GALNT18: variants seen among roughly 807,000 people sequenced by gnomAD.
The protein encoded by GALNT18 is GalNAc-transferase 18.
A neutral mutation model predicts 69.5 loss-of-function variants in GALNT18; 44 were observed. The ratio of observed to expected loss-of-function variants is 0.63; its 90% CI spans 0.50 to 0.81. GALNT18 has a LOEUF of 0.81. Ranked by LOEUF, GALNT18 falls within the 40% of genes least tolerant of loss-of-function variation. GALNT18 has a pLI of 0.00. For missense variants in GALNT18, 715 were observed against 810.0 expected (o/e 0.88, Z 1.42); for synonymous variants, 364 against 318.2 (o/e 1.14, Z -1.53).
chr11:11,419,761 G>A (rs1190686947), intron 3 of GALNT18, among the ~76,000 whole-genome samples: 1 of 152,068 alleles, frequency 6.6e-6, no homozygotes, highest in East Asian at 1.9e-4. Context: ...CCCTGCTGCA[G>A]GCTGCCTTTA....
Position 11,358,958 on chromosome 11 carries a change from A to G in GALNT18, c.1092+13557T>C, listed in dbSNP as rs554816028. Among the ~76,000 whole-genome samples, 6 of 139,926 alleles carry G rather than the reference A, an allele frequency of 4.3e-5. 1 individual carries two copies. The South Asian group carries it at 8.7e-4, about 20-fold the overall frequency. The allele number at this position is 139,926 out of a possible 152,430, so 91.8% of individuals were successfully genotyped here. ...AGAAGCAACTAGAAACTACAATCCA[A>G]TTTAAGGTGTTTAATTTTCTCTGTG... On this transcript the variant is annotated intron_variant, in intron 6 of 10. Coordinates refer to ENST00000227756, the MANE Select transcript of GALNT18 (RefSeq NM_198516.3).
chr11:11,445,791 G>T (rs1855635632), intron 2 of GALNT18, among the ~76,000 whole-genome samples: 1 of 152,190 alleles, frequency 6.6e-6, no homozygotes, highest in Non-Finnish European at 1.5e-5. Context: ...GAAGTTGCTT[G>T]GTGCCACGGG....
intron 1 of GALNT18, among the ~76,000 whole-genome samples, chr11:11,502,593 T>C (rs1590056947): frequency 6.6e-6 from 1 of 152,172 alleles, no homozygotes; most frequent in East Asian, 1.9e-4. Context: ...AATTCATCCA[T>C]TGTGGGTCTG....
rs143846077 is a variant in GALNT18, at chr11:11,273,716, C to T, written c.1678-2426G>A. Among the ~76,000 whole-genome samples, 860 of 152,174 alleles carry T rather than the reference C, an allele frequency of 5.7e-3. 8 individuals are homozygous for T. The highest frequency in any genetic ancestry group is 0.019 in the African/African-American group (804 of 41,506). On this transcript the variant is annotated intron_variant, in intron 10 of 10. Coordinates refer to ENST00000227756, the MANE Select transcript of GALNT18 (RefSeq NM_198516.3). The stretch of plus-strand genomic sequence containing the variant: ...GGTATATACCCAAAAGAAAGGAAAC[C>T]AGCATATTGAAGAGATATCTGCACT...
At chr11:11,426,629 C>G (rs1418743979) in intron 3 of GALNT18, among the ~76,000 whole-genome samples, 3 of 152,072 alleles carry the variant, frequency 2.0e-5, no homozygotes, top group Non-Finnish European at 4.4e-5. Context: ...GGGAAATGTG[C>G]AAATAATTAG....
At position 11,362,972 on chromosome 11, in the gene GALNT18, C is replaced by A. The variant is rs571379259; in HGVS notation, c.1092+9543G>T. ...TTTACGCATTTGAGTAGTATGCAAC[C>A]GTAAGAAAGGAATGAGGAATATCTC... On this transcript the variant is annotated intron_variant, in intron 6 of 10. Coordinates refer to ENST00000227756, the MANE Select transcript of GALNT18 (RefSeq NM_198516.3). Among the ~76,000 whole-genome samples the A allele has an allele frequency of 3.9e-5, 6 of 152,014 alleles. No homozygotes were observed. In the South Asian group the frequency reaches 1.2e-3, roughly 32 times the overall value.
intron 1 of GALNT18, among the ~76,000 whole-genome samples, chr11:11,514,314 T>C (rs562188475): frequency 4.1e-4 from 62 of 152,328 alleles, no homozygotes; most frequent in African/African-American, 1.4e-3. Context: ...CCCTCTGAGT[T>C]GCAGGCAGAG....
At chr11:11,493,888 G>T (rs192697296) in intron 1 of GALNT18, among the ~76,000 whole-genome samples, 1 of 152,172 alleles carries the variant, frequency 6.6e-6, no homozygotes, top group Non-Finnish European at 1.5e-5. Context: ...CCAGCGTGTG[G>T]CAGCAGAGAC....
chr11:11,336,789 G>A (rs933262624), intron 7 of GALNT18, among the ~76,000 whole-genome samples: 2 of 152,184 alleles, frequency 1.3e-5, no homozygotes. Context: ...TAAACACTGT[G>A]TATACAAATA....
At chr11:11,405,750 G>C (rs924825825) in intron 3 of GALNT18, among the ~76,000 whole-genome samples, 20 of 152,254 alleles carry the variant, frequency 1.3e-4, no homozygotes, top group African/African-American at 1.9e-4. Flanking sequence ...AGATGGAAGA[G>C]AGCAAGTTCA....
chr11:11,309,051 G>A lies in GALNT18; in HGVS notation c.1513-15858C>T, dbSNP rs369184740. On this transcript the variant is annotated intron_variant, in intron 9 of 10. Coordinates refer to ENST00000227756, the MANE Select transcript of GALNT18 (RefSeq NM_198516.3). The surrounding 1 kb of genome is among the most constrained non-coding windows in gnomAD (Gnocchi z 4.6). ...ACTTGATCCTTAATGTGGTGGTGCT[G>A]GGAGGTAGGGCCTAATGGAAGGTGT... Among the ~76,000 whole-genome samples the A allele has an allele frequency of 6.6e-6, 1 of 152,200 alleles. No homozygotes were observed. The highest frequency in any genetic ancestry group is 2.4e-5 in the African/African-American group (1 of 41,442).
At chr11:11,282,937 C>CA (rs113796044) in intron 10 of GALNT18, among the ~76,000 whole-genome samples, 53,764 of 151,720 alleles carry the variant, frequency 0.35, 9,933 homozygotes, top group Middle Eastern at 0.48. Context: ...GAAAGAGGCT[C>CA]GGGGTGGTGG....
intron 1 of GALNT18, among the ~76,000 whole-genome samples, chr11:11,577,129 AC>A (rs552807983): frequency 3.0e-4 from 46 of 152,196 alleles, no homozygotes; most frequent in Non-Finnish European, 5.6e-4. Context: ...TACTTACCTC[AC>A]ACATCTGCAG....
At chr11:11,352,250 C>G (rs753781749) in intron 6 of GALNT18, 21 of 1,613,974 alleles carry the variant, frequency 1.3e-5, no homozygotes, top group Non-Finnish European at 1.4e-5. Flanking sequence ...TGACAAGGTG[C>G]TGATTTTCAC....
rs994564575 is a variant in GALNT18 at position 11,465,654 on chromosome 11, G to C, written c.236-16718C>G. ...CAGGGGTAGAGAAATGGAGTGCCCAGACCACTTCATACACTTGCTTCACCC... is the reference window on the plus strand; with the variant it reads ...CAGGGGTAGAGAAATGGAGTGCCCACACCACTTCATACACTTGCTTCACCC... On this transcript the variant is annotated intron_variant, in intron 1 of 10. Coordinates refer to ENST00000227756, the MANE Select transcript of GALNT18 (RefSeq NM_198516.3). The surrounding 1 kb of genome is among the most constrained non-coding windows in gnomAD (Gnocchi z 5.7). 1.3e-5 allele frequency among the ~76,000 whole-genome samples: 2 copies of C among 151,994 alleles called. No homozygotes were observed. Among genetic ancestry groups the C allele is most frequent in the Non-Finnish European group, 2.9e-5 (2 of 67,984 alleles).
At position 11,617,181 on chromosome 11, in the gene GALNT18, T is replaced by C. The variant is rs1860075073; in HGVS notation, c.235+4178A>G. On this transcript the variant is annotated intron_variant, in intron 1 of 10. Transcript: ENST00000227756. This position sits in a 1 kb window ranked among gnomAD's most constrained non-coding sequence, Gnocchi z 4.7. ...AAAAGTCTAGCAAATGAATGTACAT[T>C]TTGGAAAACATTAAAATAAAAATAT... 6.6e-6 allele frequency among the ~76,000 whole-genome samples: 1 copy of C among 152,172 alleles called. No individual in the cohort carries two copies. The highest frequency in any genetic ancestry group is 2.1e-4 in the South Asian group (1 of 4,826).
chr11:11,307,401 C>T (rs185987201), intron 9 of GALNT18, among the ~76,000 whole-genome samples: 1 of 152,228 alleles, frequency 6.6e-6, no homozygotes, highest in Non-Finnish European at 1.5e-5. Context: ...ATGCTAAATG[C>T]TTTATACATA....
At chr11:11,400,178 C>T (rs903144511) in intron 3 of GALNT18, among the ~76,000 whole-genome samples, 1 of 152,120 alleles carries the variant, frequency 6.6e-6, no homozygotes, top group Admixed American at 6.5e-5. Context: ...CCACACAGAC[C>T]ATCCAGGCCC....
intron 9 of GALNT18, among the ~76,000 whole-genome samples, chr11:11,313,434 T>G (rs924901916): frequency 7.9e-5 from 12 of 152,168 alleles, no homozygotes; most frequent in African/African-American, 2.9e-4. Context: ...TTCCTTTAGA[T>G]CCTAAGGAGA....
Sources: gnomAD v4.1 joint callset for allele counts (sites outside exome capture counted in the v4.1 genomes callset) on GRCh38, gnomAD v4.1.1 for gene constraint, Gnocchi (gnomAD v3.1) non-coding constraint, MANE v1.5 for transcripts, NCBI Gene and HGNC (gene_info 2026-07-23, HGNC 2026-07-21) for gene names.